FRMD5: variants seen among roughly 807,000 people sequenced by gnomAD.
The protein encoded by FRMD5 is FERM domain containing 5, also known as FERM domain-containing protein 5.
A neutral mutation model predicts 69.0 loss-of-function variants in FRMD5; 20 were observed. The observed-to-expected ratio is 0.29, with a 90% CI of 0.20 to 0.42. The LOEUF is 0.42. Among genes scored for constraint, FRMD5 ranks in the 10% least tolerant of loss-of-function variants. The pLI is 1.00. For synonymous variants in FRMD5, 271 were observed against 260.1 expected, an observed-to-expected ratio of 1.04 and a Z score of -0.40; for missense variants, 595 against 708.6, an observed-to-expected ratio of 0.84 and a Z score of 1.82.
intron 1 of FRMD5, among the ~76,000 whole-genome samples, chr15:43,962,950 A>G (rs561047803): frequency 6.6e-6 from 1 of 152,318 alleles, no homozygotes; most frequent in African/African-American, 2.4e-5. Context: ...AACCATAAAA[A>G]CCCTAGAAGA....
At chr15:43,895,691 C>A (rs892149964) in intron 7 of FRMD5, among the ~76,000 whole-genome samples, 1 of 152,222 alleles carries the variant, frequency 6.6e-6, no homozygotes, top group Non-Finnish European at 1.5e-5. Flanking sequence ...TGAAGGCCAC[C>A]GCAAGACCCT....
chr15:43,989,059 G>T (rs1360539616), intron 1 of FRMD5: 6 of 871,194 alleles, frequency 6.9e-6, no homozygotes, highest in Non-Finnish European at 1.2e-5. Context: ...GTCACAGTCC[G>T]CCTAGAAGCA....
chr15:44,096,863 A>T (rs2076561173), intron 1 of FRMD5, among the ~76,000 whole-genome samples: 1 of 152,140 alleles, frequency 6.6e-6, no homozygotes, highest in Non-Finnish European at 1.5e-5. Flanking sequence ...GGTACTACTC[A>T]CTGAAAAATG....
intron 1 of FRMD5, among the ~76,000 whole-genome samples, chr15:44,000,167 T>C: frequency 6.6e-6 from 1 of 151,594 alleles, no homozygotes; most frequent in Non-Finnish European, 1.5e-5. Context: ...TTTTATTTTT[T>C]TGTAGAGACA....
intron 1 of FRMD5, among the ~76,000 whole-genome samples, chr15:44,033,990 T>C (rs1026954614): frequency 2.0e-5 from 3 of 152,218 alleles, no homozygotes; most frequent in Non-Finnish European, 4.4e-5. Flanking sequence ...GAAGCATTTA[T>C]ACAGGAAAAC....
intron 1 of FRMD5, among the ~76,000 whole-genome samples, chr15:44,049,113 G>A (rs1245784627): frequency 6.6e-6 from 1 of 152,120 alleles, no homozygotes; most frequent in Non-Finnish European, 1.5e-5. Flanking sequence ...TAGAAATGAG[G>A]GAGATAGCCC....
chr15:44,033,163 T>C (rs750370818), intron 1 of FRMD5, among the ~76,000 whole-genome samples: 1 of 152,048 alleles, frequency 6.6e-6, no homozygotes, highest in Admixed American at 6.6e-5. Context: ...AATGATAAAA[T>C]ATAATTTTGC....
At chr15:44,095,386 GTAGAGT>G (rs1243834746) in intron 1 of FRMD5, among the ~76,000 whole-genome samples, 2 of 151,876 alleles carry the variant, frequency 1.3e-5, no homozygotes, top group East Asian at 3.9e-4. Flanking sequence ...AAAATTTTTT[GTAGAGT>G]TAGAGTCTCA....
chr15:43,876,965 C>T (rs546336040), intron 13 of FRMD5, among the ~76,000 whole-genome samples: 58 of 151,094 alleles, frequency 3.8e-4, no homozygotes, highest in Middle Eastern at 6.9e-3. Context: ...CCAAGGTTCT[C>T]ACAGGACTCA....
chr15:43,971,662 G>A (rs911896986), intron 1 of FRMD5, among the ~76,000 whole-genome samples: 1 of 151,628 alleles, frequency 6.6e-6, no homozygotes, highest in African/African-American at 2.4e-5. Context: ...TATGCAATAG[G>A]GTTGAAATGA....
chr15:44,082,414 G>C (rs1242747241), intron 1 of FRMD5, among the ~76,000 whole-genome samples: 1 of 151,954 alleles, frequency 6.6e-6, no homozygotes, highest in Non-Finnish European at 1.5e-5. Context: ...GTGACAATCA[G>C]TCCTCCTCCC....
At chr15:44,165,408 T>A (rs2077693172) in intron 1 of FRMD5, among the ~76,000 whole-genome samples, 1 of 152,068 alleles carries the variant, frequency 6.6e-6, no homozygotes. Context: ...GGCGACCGAG[T>A]GAGACTCCAT....
intron 1 of FRMD5, among the ~76,000 whole-genome samples, chr15:44,161,571 A>G (rs2077616684): frequency 6.6e-6 from 1 of 152,222 alleles, no homozygotes; most frequent in Non-Finnish European, 1.5e-5. Context: ...CAATAATTTG[A>G]CACATGCTCA....
chr15:43,919,033 C>T, intron 4 of FRMD5: 1 of 300,702 alleles, frequency 3.3e-6, no homozygotes, highest in South Asian at 3.0e-5. Context: ...TTCAGTATCT[C>T]CCAGCTTATC....
chr15:43,972,316 A>G (rs999831123), intron 1 of FRMD5, among the ~76,000 whole-genome samples: 23 of 152,028 alleles, frequency 1.5e-4, no homozygotes, highest in African/African-American at 5.3e-4. Context: ...TCAATATATT[A>G]AAAAGCATAT....
intron 1 of FRMD5, among the ~76,000 whole-genome samples, chr15:44,061,687 C>T (rs1893093679): frequency 6.6e-6 from 1 of 152,148 alleles, no homozygotes; most frequent in African/African-American, 2.4e-5. Flanking sequence ...ACTATTATTA[C>T]TCGTTGCATT....
chr15:43,996,686 C>CT lies in FRMD5; in HGVS notation c.103-72378dup, dbSNP rs1256273194. Among the ~76,000 whole-genome samples, 907 of 91,790 alleles carry CT rather than the reference C, an allele frequency of 9.9e-3. 10 individuals carry two copies. Among genetic ancestry groups the CT allele is most frequent in the African/African-American group, 0.031 (814 of 26,288 alleles). The allele number at this position is 91,790 out of a possible 152,430, so 60.2% of individuals were successfully genotyped here. A position where few individuals can be genotyped will look rare whatever the true frequency, so the allele number is the denominator to read the frequency against. The stretch of plus-strand genomic sequence containing the variant: ...CTGAATTGATCTGAGTGGGGATTGC[C>CT]TTTTTTTTTTTTTTAAGCTCCTCAG... On this transcript the variant is annotated intron_variant, in intron 1 of 13. Coordinates refer to ENST00000417257, the MANE Select transcript of FRMD5 (RefSeq NM_032892.5).
intron 1 of FRMD5, among the ~76,000 whole-genome samples, chr15:44,128,453 G>A (rs1384133152): frequency 1.3e-5 from 2 of 151,956 alleles, no homozygotes; most frequent in East Asian, 1.9e-4. Context: ...CTCCAGCCTG[G>A]GTGACAAGAG....
At chr15:43,932,989 T>C (rs1402514826) in intron 1 of FRMD5, among the ~76,000 whole-genome samples, 1 of 152,082 alleles carries the variant, frequency 6.6e-6, no homozygotes, top group Non-Finnish European at 1.5e-5. Flanking sequence ...TGAAGAAGAG[T>C]TCCATGGTCT....
Sources: gnomAD v4.1 joint callset for allele counts (sites outside exome capture counted in the v4.1 genomes callset) on GRCh38, gnomAD v4.1.1 for gene constraint, MANE v1.5 for transcripts, NCBI Gene and HGNC (gene_info 2026-07-23, HGNC 2026-07-21) for gene names.